RO60: variants seen among roughly 807,000 people sequenced by gnomAD.
RO60 encodes the protein RNA-binding protein RO60.
RO60 carries 20 observed loss-of-function variants against 55.3 expected under a neutral mutation model. The ratio of observed to expected loss-of-function variants is 0.36; its 90% confidence interval spans 0.25 to 0.53. RO60 has a LOEUF of 0.53. Ranked by LOEUF, RO60 falls within the 20% of genes least tolerant of loss-of-function variation. RO60 has a pLI of 0.92. For missense variants in RO60, 558 were observed against 646.6 expected (o/e 0.86, Z 1.49); for synonymous variants, 213 against 213.6 (o/e 1.00, Z 0.02).
intron 1 of RO60, among the ~76,000 whole-genome samples, chr1:193,061,389 T>A (rs1672706272): frequency 6.6e-6 from 1 of 152,252 alleles, no homozygotes; most frequent in Non-Finnish European, 1.5e-5. Flanking sequence ...TTTGACTTCA[T>A]TTAAAAAGGA....
rs1166604720 is a variant in RO60, at chr1:193,076,613, GTGAAAAACTGTGTAA to G, written c.924_938del (p.Cys309_Leu313del). The G allele has an allele frequency of 6.2e-7, 1 of 1,607,046 alleles. No individual in the cohort carries two copies. Among genetic ancestry groups the G allele is most frequent in the African/African-American group, 1.3e-5 (1 of 74,550 alleles). ...GGAAATTCAGAAGTATCTTTAGTAT[GTGAAAAACTGTGTAA>G]TGAAAAACTATTAAAAAAGGTAAGC... On this transcript the variant is annotated inframe_deletion, in exon 4 of 9. Coordinates refer to ENST00000400968, the MANE Select transcript of RO60 (RefSeq NM_001173524.2).
In RO60 at chr1:193,085,850, G is replaced by A. The variant is rs1200625190; in HGVS notation, c.*1119G>A. On this transcript the variant is annotated 3_prime_UTR_variant, in exon 9 of 9. Transcript: ENST00000400968. ...GCAATTTTTGAGTAGCATATTACCA[G>A]CTAGCCAGTCACTAGGAATTTTTTT... 4 of 985,090 alleles carry A rather than the reference G, an allele frequency of 4.1e-6. No homozygotes were observed. Among genetic ancestry groups the A allele is most frequent in the Non-Finnish European group, 4.8e-6 (4 of 829,848 alleles). 61.0% of individuals were successfully genotyped at this position (985,090 alleles called of 1,614,324 possible).
intron 4 of RO60, 102 bp from the exon 5 acceptor site, chr1:193,076,811 T>C: frequency 7.3e-7 from 1 of 1,377,014 alleles, no homozygotes; most frequent in Non-Finnish European, 9.9e-7. Flanking sequence ...ATTTTTCTCT[T>C]TTCTATATGA....
At chr1:193,080,344 A>G (rs966160703) in intron 5 of RO60, among the ~76,000 whole-genome samples, 2 of 152,170 alleles carry the variant, frequency 1.3e-5, no homozygotes, top group African/African-American at 2.4e-5. Context: ...GCCCCTGTGG[A>G]AAACAATTTG....
intron 1 of RO60, among the ~76,000 whole-genome samples, chr1:193,067,176 TTTTC>T (rs1248238539): frequency 2.0e-5 from 3 of 151,586 alleles, no homozygotes; most frequent in East Asian, 3.9e-4. Flanking sequence ...AAAAAATTTT[TTTTC>T]TTTCTTTTTT....
At chr1:193,070,467 T>C in intron 2 of RO60, 2 of 338,350 alleles carry the variant, frequency 5.9e-6, no homozygotes, top group Non-Finnish European at 1.2e-5. Context: ...TAAGAAAAAC[T>C]CTTGGGCAGG....
chr1:193,069,424 C>A lies in RO60; in HGVS notation c.370C>A (p.His124Asn). The stretch of plus-strand genomic sequence containing the variant: ...TTCTGAAGTTTGTCGCATTCCTACC[C>A]ATCTCTTTACTTTTATCCAGTTTAA... ...AVSEVCRIPT[H>N]LFTFIQFKKD... The change falls in exon 2 of 9, where the codon CAT becomes AAT. Residue 124 changes from histidine to asparagine, a missense_variant. Transcript: ENST00000400968. The A allele has an allele frequency of 1.2e-6, 2 of 1,614,158 alleles. No individual in the cohort carries two copies. Among genetic ancestry groups the A allele is most frequent in the Non-Finnish European group, 1.7e-6 (2 of 1,180,012 alleles).
rs571855098 is a variant in RO60, at chr1:193,090,581, G to T, written c.*5850G>T. 4 of 151,978 alleles carry T rather than the reference G, an allele frequency of 2.6e-5. No individual in the cohort carries two copies. Among genetic ancestry groups the T allele is most frequent in the East Asian group, 1.9e-4 (1 of 5,182 alleles). 9.4% of individuals were successfully genotyped at this position (151,978 alleles called of 1,614,324 possible). On this transcript the variant is annotated 3_prime_UTR_variant, in exon 9 of 9. Coordinates refer to ENST00000400968, the MANE Select transcript of RO60 (RefSeq NM_001173524.2). ...TAAGAATCATCTTTTATAAAAACCAGTGGGGAGTGGGGTATTATAATCTAG... is the reference window on the plus strand; with the variant it reads ...TAAGAATCATCTTTTATAAAAACCATTGGGGAGTGGGGTATTATAATCTAG...
At chr1:193,079,548 T>G (rs1270386929) in intron 5 of RO60, among the ~76,000 whole-genome samples, 1 of 152,186 alleles carries the variant, frequency 6.6e-6, no homozygotes, top group Non-Finnish European at 1.5e-5. Flanking sequence ...GATCAGTGAC[T>G]AAATTTAAGA....
chr1:193,067,184 CTTTTTTTTTTTTT>C (rs1179476737), intron 1 of RO60, among the ~76,000 whole-genome samples: 1 of 129,078 alleles, frequency 7.7e-6, no homozygotes, highest in African/African-American at 2.8e-5. Context: ...TTTTTTCTTT[CTTTTTTTTTTTTT>C]TTTTTTGAGA....
At chr1:193,062,954 C>T (rs1672877759) in intron 1 of RO60, among the ~76,000 whole-genome samples, 1 of 152,100 alleles carries the variant, frequency 6.6e-6, no homozygotes, top group South Asian at 2.1e-4. Flanking sequence ...ATTTGGGTTG[C>T]TTCTCCTTTT....
chr1:193,073,894 C>A (rs1375158434), intron 2 of RO60, among the ~76,000 whole-genome samples: 2 of 134,082 alleles, frequency 1.5e-5, no homozygotes, highest in East Asian at 4.6e-4. Context: ...CCCCTCCCCC[C>A]ACCCCACAAC....
chr1:193,072,558 C>G (rs1673593424), intron 2 of RO60, among the ~76,000 whole-genome samples: 1 of 151,776 alleles, frequency 6.6e-6, no homozygotes. Flanking sequence ...CTTTTCCAAC[C>G]TAAAATATTT....
chr1:193,086,151 C>A lies in RO60; in HGVS notation c.*1420C>A. Reference sequence around the variant, plus strand: ...AAACTGTAGTTAATGTAAATTATAGCCTTTTAGGTGCTTGGGGGTTAGAGG... The same window carrying A: ...AAACTGTAGTTAATGTAAATTATAGACTTTTAGGTGCTTGGGGGTTAGAGG... On this transcript the variant is annotated 3_prime_UTR_variant, in exon 9 of 9. Transcript: ENST00000400968. The A allele has an allele frequency of 7.1e-6, 4 of 560,386 alleles. No homozygotes were observed. Among genetic ancestry groups the A allele is most frequent in the African/African-American group, 2.1e-5 (1 of 48,604 alleles). 34.7% of individuals were successfully genotyped at this position (560,386 alleles called of 1,614,324 possible).
intron 1 of RO60, among the ~76,000 whole-genome samples, chr1:193,066,050 CAG>C (rs894585743): frequency 5.9e-5 from 9 of 152,150 alleles, no homozygotes; most frequent in Non-Finnish European, 8.8e-5. Context: ...CATCTCCTGT[CAG>C]GGGGGAATGT....
At chr1:193,077,183 A>T (rs1673983138) in intron 5 of RO60, 133 bp downstream of exon 5, 1 of 869,430 alleles carries the variant, frequency 1.2e-6, no homozygotes, top group South Asian at 2.1e-5. Flanking sequence ...TTTAGTTCAT[A>T]TGTGGTGAGT....
intron 4 of RO60, 57 bp from the exon 5 acceptor site, chr1:193,076,856 A>AAGGAGTAT (rs1673957647): frequency 6.5e-7 from 1 of 1,531,240 alleles, no homozygotes; most frequent in African/African-American, 1.4e-5. Context: ...ACAAAAATCT[A>AAGGAGTAT]AGGAGTATAC....
At position 193,081,443 on chromosome 1, in the gene RO60, T is replaced by C. The variant is rs763957779; in HGVS notation, c.1166T>C (p.Ile389Thr). 4 of 1,610,908 alleles carry C rather than the reference T, an allele frequency of 2.5e-6. No homozygotes were observed. In the South Asian group the frequency reaches 4.4e-5, roughly 18 times the overall value. ...ASMNQRVLGS[I>T]LNASTVAAAM... ...ATGAACCAAAGAGTTTTGGGTAGTA[T>C]ACTCAACGCTAGTACAGTTGCTGCA... The change falls in exon 6 of 9, where the codon ATA (isoleucine) becomes ACA (threonine). Residue 389 changes from isoleucine (I) to threonine (T), a missense_variant. Transcript: ENST00000400968.
chr1:193,061,839 C>T (rs1477710910), intron 1 of RO60, among the ~76,000 whole-genome samples: 1 of 152,084 alleles, frequency 6.6e-6, no homozygotes, highest in East Asian at 1.9e-4. Flanking sequence ...AAAAAATTAG[C>T]CGGGTGCGGT....
Sources: allele counts gnomAD v4.1 joint callset (sites outside exome capture counted in the v4.1 genomes callset), GRCh38; gene constraint gnomAD v4.1.1; transcripts MANE v1.5; gene names NCBI Gene and HGNC (gene_info 2026-07-23, HGNC 2026-07-21).